Variants in RALGAPA2 observed in about 807,000 individuals in gnomAD.
RALGAPA2 encodes Ral GTPase activating protein catalytic subunit alpha 2.
RALGAPA2 carries 139 observed loss-of-function variants against 230.4 expected under a neutral mutation model. The ratio of observed to expected loss-of-function variants is 0.60; its 90% CI spans 0.53 to 0.69. The LOEUF (loss-of-function observed/expected upper bound fraction) is 0.69, where lower values mean the gene tolerates loss of function less well. Ranked by LOEUF, RALGAPA2 falls within the 30% of genes least tolerant of loss-of-function variation. The probability of loss-of-function intolerance (pLI) is 0.00; values close to 1 mark genes in which losing one functional copy is unlikely to be tolerated. For missense variants in RALGAPA2, 2,163 were observed against 2,276.0 expected, an observed-to-expected ratio of 0.95 and a Z score of 1.01; for synonymous variants, 847 against 837.8, an observed-to-expected ratio of 1.01 and a Z score of -0.19.
chr20:20,485,862 G>A (rs1225144585), intron 36 of RALGAPA2, among the ~76,000 whole-genome samples: 1 of 152,184 alleles, frequency 6.6e-6, no homozygotes, highest in African/African-American at 2.4e-5. Flanking sequence ...GAAAAGGGCT[G>A]GGTGTGGTGG....
At chr20:20,647,909 G>A (rs562952250) in intron 4 of RALGAPA2, among the ~76,000 whole-genome samples, 1 of 152,246 alleles carries the variant, frequency 6.6e-6, no homozygotes, top group African/African-American at 2.4e-5. Flanking sequence ...GTTGCTGGTA[G>A]GAATATAAAA....
At chr20:20,436,298 A>G (rs556416178) in intron 37 of RALGAPA2, among the ~76,000 whole-genome samples, 26 of 152,306 alleles carry the variant, frequency 1.7e-4, no homozygotes, top group Non-Finnish European at 7.3e-5. Flanking sequence ...TCCATGTTCC[A>G]AGTAAATCAG....
chr20:20,478,227 A>G (rs1214367896), intron 36 of RALGAPA2, among the ~76,000 whole-genome samples: 1 of 152,242 alleles, frequency 6.6e-6, no homozygotes, highest in East Asian at 1.9e-4. Context: ...TGATAAAATA[A>G]GACTAGTAGA....
chr20:20,613,280 T>C (rs1253946508), intron 13 of RALGAPA2, among the ~76,000 whole-genome samples: 1 of 152,252 alleles, frequency 6.6e-6, no homozygotes, highest in Non-Finnish European at 1.5e-5. Context: ...ATGAGGCATG[T>C]GTGCCATCCT....
At position 20,520,979 on chromosome 20, in the gene RALGAPA2, C is replaced by T. The variant is rs781239058; in HGVS notation, c.4022G>A (p.Ser1341Asn). 11 of 1,613,876 alleles carry T rather than the reference C, an allele frequency of 6.8e-6. No individual in the cohort carries two copies. In the Admixed American group the frequency reaches 1.7e-4, roughly 24 times the overall value. ...DPFLPLANVKSSEPVQYHSSA... is the reference protein window; with the variant it reads ...DPFLPLANVKNSEPVQYHSSA... ...TGAATGATACTGGACTGGCTCAGAG[C>T]TCTTCACATTTGCCAGTGGCAGGAA... Residue 1341 changes from serine (S) to asparagine (N), a missense_variant, in exon 31 of 40, where the codon AGC (serine) becomes AAC (asparagine). By Grantham distance (46) the Ser-to-Asn change is conservative. Coordinates refer to ENST00000202677, the MANE Select transcript of RALGAPA2 (RefSeq NM_020343.4).
chr20:20,627,443 C>G (rs1024325254), intron 10 of RALGAPA2, among the ~76,000 whole-genome samples: 2 of 152,166 alleles, frequency 1.3e-5, no homozygotes, highest in African/African-American at 4.8e-5. Context: ...TTTTAAAAGG[C>G]AAGTGTAGGA....
At position 20,680,733 on chromosome 20, in the gene RALGAPA2, A is replaced by G; in HGVS notation, c.175T>C (p.Tyr59His). The G allele has an allele frequency of 6.3e-7, 1 of 1,584,384 alleles. No individual in the cohort carries two copies. The highest frequency in any genetic ancestry group is 8.5e-7 in the Non-Finnish European group (1 of 1,169,624). ...TNYSQIYFIF[Y>H]ENFIALENSL... is the part of the protein sequence containing the mutation. Reference sequence around the variant, plus strand: ...TTTTCCAGTGCTATAAAATTTTCATAGAAGATGAAATATATCTGAGAATAG... The same window carrying G: ...TTTTCCAGTGCTATAAAATTTTCATGGAAGATGAAATATATCTGAGAATAG... Residue 59 changes from tyrosine (Y) to histidine (H), a missense_variant, in exon 2 of 40, where the codon TAT becomes CAT. By Grantham distance (83) the Tyr-to-His change is moderately conservative. Coordinates refer to ENST00000202677, the MANE Select transcript of RALGAPA2 (RefSeq NM_020343.4).
intron 3 of RALGAPA2, among the ~76,000 whole-genome samples, chr20:20,671,622 T>G (rs574546064): frequency 6.6e-6 from 1 of 152,356 alleles, no homozygotes; most frequent in East Asian, 1.9e-4. Flanking sequence ...AGTTTATTAT[T>G]CACTCATATT....
intron 23 of RALGAPA2, among the ~76,000 whole-genome samples, chr20:20,549,483 G>A (rs1317475538): frequency 6.6e-6 from 1 of 152,082 alleles, no homozygotes; most frequent in Admixed American, 6.6e-5. Context: ...GCGCCCTGAG[G>A]AGACACAGCG....
chr20:20,412,209 A>C, intron 37 of RALGAPA2, 61 bp from the exon 38 acceptor site: 6 of 1,598,760 alleles, frequency 3.8e-6, no homozygotes, highest in Non-Finnish European at 5.1e-6. Flanking sequence ...GCAGTGACAG[A>C]ATTCACTTTT....
intron 38 of RALGAPA2, among the ~76,000 whole-genome samples, chr20:20,410,901 G>A (rs2122759494): frequency 6.6e-6 from 1 of 152,226 alleles, no homozygotes; most frequent in Non-Finnish European, 1.5e-5. Flanking sequence ...CAAGCCTTCT[G>A]CCTGCTGCTC....
At chr20:20,592,659 A>T (rs1266567971) in intron 16 of RALGAPA2, among the ~76,000 whole-genome samples, 1 of 152,214 alleles carries the variant, frequency 6.6e-6, no homozygotes, top group African/African-American at 2.4e-5. Context: ...TATTATCTTA[A>T]CTGGCTGGGT....
Position 20,635,442 on chromosome 20 carries a change from A to C in RALGAPA2, c.981T>G (p.Val327=). ...LTATQNTKNG[V]DVLPKIIQTV... ...CCTGGATGATTTTAGGCAATACATCAACTCCATTTTTAGTGTTTTGTGTTG... is the reference window on the plus strand; with the variant it reads ...CCTGGATGATTTTAGGCAATACATCCACTCCATTTTTAGTGTTTTGTGTTG... The change falls in exon 9 of 40, where the codon GTT becomes GTG. Residue 327 remains valine, a synonymous_variant. Coordinates refer to ENST00000202677, the MANE Select transcript of RALGAPA2 (RefSeq NM_020343.4). 6.2e-7 allele frequency: 1 copy of C among 1,602,118 alleles called. No individual in the cohort carries two copies. Among genetic ancestry groups the C allele is most frequent in the Non-Finnish European group, 8.5e-7 (1 of 1,175,724 alleles).
At chr20:20,469,999 G>A (rs919759752) in intron 37 of RALGAPA2, among the ~76,000 whole-genome samples, 18 of 152,146 alleles carry the variant, frequency 1.2e-4, no homozygotes, top group African/African-American at 3.9e-4. Flanking sequence ...AAGGGGCTGC[G>A]ATGAACCGTT....
intron 20 of RALGAPA2, among the ~76,000 whole-genome samples, chr20:20,576,216 ATATT>A (rs1371774992): frequency 6.6e-6 from 1 of 152,136 alleles, no homozygotes; most frequent in African/African-American, 2.4e-5. Flanking sequence ...TTCGAATGGA[ATATT>A]TATTACAACA....
chr20:20,674,343 G>A (rs1472942733), intron 3 of RALGAPA2, among the ~76,000 whole-genome samples: 1 of 151,866 alleles, frequency 6.6e-6, no homozygotes, highest in Non-Finnish European at 1.5e-5. Context: ...ACCCATCTAT[G>A]ATTTTTTAAA....
intron 35 of RALGAPA2, among the ~76,000 whole-genome samples, chr20:20,499,518 A>T (rs963719222): frequency 6.6e-6 from 1 of 152,222 alleles, no homozygotes; most frequent in Non-Finnish European, 1.5e-5. Flanking sequence ...GATCCTGGTA[A>T]GCTACACTAG....
intron 1 of RALGAPA2, among the ~76,000 whole-genome samples, chr20:20,682,170 C>G (rs1426758203): frequency 6.6e-6 from 1 of 152,164 alleles, no homozygotes; most frequent in Non-Finnish European, 1.5e-5. Flanking sequence ...CTTATAAAGT[C>G]TTATGAGCTG....
chr20:20,623,773 T>C (rs1217424892), intron 10 of RALGAPA2, among the ~76,000 whole-genome samples: 1 of 152,224 alleles, frequency 6.6e-6, no homozygotes, highest in Non-Finnish European at 1.5e-5. Flanking sequence ...TTCCAGTTAT[T>C]ACATGTCTTT....
Sources: allele counts gnomAD v4.1 joint callset (sites outside exome capture counted in the v4.1 genomes callset), GRCh38; gene constraint gnomAD v4.1.1; transcripts MANE v1.5; gene names NCBI Gene and HGNC (gene_info 2026-07-23, HGNC 2026-07-21).